SFI1: variants seen among roughly 807,000 people sequenced by gnomAD.
SFI1 encodes protein SFI1 homolog.
In SFI1, 195 loss-of-function variants were observed where a neutral mutation model predicts 207.5. The observed-to-expected ratio is 0.94, with a 90% CI of 0.84 to 1.06. The LOEUF (loss-of-function observed/expected upper bound fraction) is 1.06. Ranked by LOEUF, SFI1 falls within the 50% of genes least tolerant of loss-of-function variation. The pLI, the probability that SFI1 is intolerant of heterozygous loss-of-function variation, is 0.00. For missense variants in SFI1, 1,634 were observed against 1,588.0 expected (o/e 1.03, Z -0.49); for synonymous variants, 630 against 598.9 (o/e 1.05, Z -0.76).
intron 7 of SFI1, among the ~76,000 whole-genome samples, chr22:31,560,400 C>CTTTTT (rs398061887): frequency 2.0e-4 from 25 of 125,514 alleles, no homozygotes; most frequent in South Asian, 7.8e-4. Flanking sequence ...TGGTAATACT[C>CTTTTT]TTTTTTTTTT....
intron 2 of SFI1, among the ~76,000 whole-genome samples, chr22:31,509,028 TTTA>T (rs1377323265): frequency 6.6e-6 from 1 of 152,210 alleles, no homozygotes; most frequent in Non-Finnish European, 1.5e-5. Context: ...TTTTTGTACA[TTTA>T]TTGAGATAAT....
chr22:31,541,042 TTGAGTGAATA>T (rs2059434133), intron 4 of SFI1, among the ~76,000 whole-genome samples: 1 of 152,138 alleles, frequency 6.6e-6, no homozygotes, highest in African/African-American at 2.4e-5. Context: ...GAGTCTTTGC[TTGAGTGAATA>T]TGAGTGAATA....
At chr22:31,617,153 A>G (rs2071710251) in intron 31 of SFI1, 75 bp downstream of exon 31, 1 of 1,525,300 alleles carries the variant, frequency 6.6e-7, no homozygotes, top group African/African-American at 1.4e-5. Flanking sequence ...AGGCAGTTCC[A>G]TTTCCCCCGA....
intron 4 of SFI1, among the ~76,000 whole-genome samples, chr22:31,540,505 C>G (rs1337747436): frequency 6.6e-6 from 1 of 151,742 alleles, no homozygotes; most frequent in African/African-American, 2.4e-5. Context: ...TGGTATTGAA[C>G]TCCTGACCTT....
intron 6 of SFI1, among the ~76,000 whole-genome samples, chr22:31,553,647 A>T (rs543995784): frequency 1.8e-4 from 27 of 148,910 alleles, no homozygotes; most frequent in Non-Finnish European, 3.5e-4. Context: ...TGCTGGGACC[A>T]CAGGGGTGAG....
At chr22:31,580,478 C>A in intron 12 of SFI1, 114 bp downstream of exon 12, 6 of 655,938 alleles carry the variant, frequency 9.1e-6, no homozygotes, top group South Asian at 1.9e-5. Flanking sequence ...TTTTGTGCTT[C>A]AAGATTTGTC....
chr22:31,593,136 C>CA (rs370342048), intron 15 of SFI1, among the ~76,000 whole-genome samples: 1 of 120,608 alleles, frequency 8.3e-6, no homozygotes, highest in East Asian at 3.2e-4. Flanking sequence ...GGGGGGCTGA[C>CA]CCCCCCCCAC....
chr22:31,611,381 A>G, intron 23 of SFI1, 78 bp downstream of exon 23: 2 of 1,475,624 alleles, frequency 1.4e-6, no homozygotes, highest in East Asian at 4.8e-5. Flanking sequence ...ATTTCTCAGG[A>G]AGGGGTCTTT....
In SFI1 at chr22:31,618,243, T is replaced by C; in HGVS notation, c.3624+17T>C. 1 of 1,595,518 alleles carries C rather than the reference T, an allele frequency of 6.3e-7. No homozygotes were observed. The highest frequency in any genetic ancestry group is 8.5e-7 in the Non-Finnish European group (1 of 1,172,422). On this transcript the variant is annotated intron_variant, in intron 32 of 32. Coordinates refer to ENST00000400288, the MANE Select transcript of SFI1 (RefSeq NM_001007467.3). ...CTGGAACAGGTGAGGCCCCAGGCCA[T>C]CCCCAGGTGTCCCTGGGGACGCCCC...
Position 31,616,659 on chromosome 22 carries a change from G to A in SFI1, c.3301-86G>A, listed in dbSNP as rs999885599. On this transcript the variant is annotated intron_variant, in intron 29 of 32. Transcript: ENST00000400288. Reference sequence around the variant, plus strand: ...GCCTGGTCTTCCCCCACCCCTGCAGGGCAGGCAGTGACAAGGACTTGGTGT... The same window carrying A: ...GCCTGGTCTTCCCCCACCCCTGCAGAGCAGGCAGTGACAAGGACTTGGTGT... The A allele has an allele frequency of 5.6e-6, 8 of 1,421,998 alleles. No individual in the cohort carries two copies. In the African/African-American group the frequency reaches 1.1e-4, roughly 20 times the overall value. 88.1% of individuals were successfully genotyped at this position (1,421,998 alleles called of 1,614,324 possible). A position where few individuals can be genotyped will look rare whatever the true frequency, so the allele number is the denominator to read the frequency against.
chr22:31,607,684 A>G (rs2069291018), intron 21 of SFI1: 3 of 245,934 alleles, frequency 1.2e-5, no homozygotes, highest in East Asian at 1.6e-4. Context: ...TCACTACTTT[A>G]TGGCATGGTA....
In SFI1 at chr22:31,545,877, C is replaced by CTT. The variant is rs770151262; in HGVS notation, c.339-961_339-960dup. ...TGCAGGTGTGAGCCACCGTGTCCAGCTTTTTTTTTTTTTTTTTTTTTTTTA... is the reference window on the plus strand; with the variant it reads ...TGCAGGTGTGAGCCACCGTGTCCAGCTTTTTTTTTTTTTTTTTTTTTTTTTTA... On this transcript the variant is annotated intron_variant, in intron 4 of 32. Coordinates refer to ENST00000400288, the MANE Select transcript of SFI1 (RefSeq NM_001007467.3). Among the ~76,000 whole-genome samples, 68 of 99,516 alleles carry CTT rather than the reference C, an allele frequency of 6.8e-4. 1 individual carries two copies. Among genetic ancestry groups the CTT allele is most frequent in the African/African-American group, 2.1e-3 (51 of 24,318 alleles). The allele number at this position is 99,516 out of a possible 152,430, so 65.3% of individuals were successfully genotyped here.
At chr22:31,503,416 T>C (rs2054125761) in intron 1 of SFI1, among the ~76,000 whole-genome samples, 1 of 152,204 alleles carries the variant, frequency 6.6e-6, no homozygotes, top group African/African-American at 2.4e-5. Flanking sequence ...GGCCACTTCA[T>C]TTTCCTTTCT....
chr22:31,593,532 G>A (rs1358754427), intron 15 of SFI1, among the ~76,000 whole-genome samples: 1 of 129,748 alleles, frequency 7.7e-6, no homozygotes, highest in East Asian at 2.3e-4. Context: ...AGGCAGAGGG[G>A]CTCCTCACAT....
intron 2 of SFI1, among the ~76,000 whole-genome samples, chr22:31,527,493 G>C (rs959279545): frequency 6.6e-6 from 1 of 152,178 alleles, no homozygotes; most frequent in Non-Finnish European, 1.5e-5. Flanking sequence ...CCAGCATTTT[G>C]GAAGGCTTAG....
chr22:31,607,563 A>G (rs2069260697), intron 21 of SFI1: 1 of 152,078 alleles, frequency 6.6e-6, no homozygotes, highest in African/African-American at 2.4e-5. Context: ...AGATCATGCC[A>G]CTGCACTCCA....
At position 31,561,389 on chromosome 22, in the gene SFI1, G is replaced by A; in HGVS notation, c.762G>A (p.Val254=). 1.2e-6 allele frequency: 2 copies of A among 1,613,016 alleles called. No homozygotes were observed. Among genetic ancestry groups the A allele is most frequent in the Non-Finnish European group, 1.7e-6 (2 of 1,179,546 alleles). Residue 254 remains valine, a synonymous_variant, in exon 8 of 33, where the codon GTG becomes GTA. Transcript: ENST00000400288. ...ALKHRALSLQ[V]QAWSQWREQL... is the part of the protein sequence containing the mutation. ...AGCACAGGGCCCTGAGCCTCCAGGTGCAGGTGAGTCCAGCAGACGTGGGAT... is the reference window on the plus strand; with the variant it reads ...AGCACAGGGCCCTGAGCCTCCAGGTACAGGTGAGTCCAGCAGACGTGGGAT...
chr22:31,559,874 C>T (rs966282557), intron 7 of SFI1: 30 of 664,234 alleles, frequency 4.5e-5, no homozygotes, highest in East Asian at 9.1e-5. Flanking sequence ...CCTTCGTGTC[C>T]GAGGCCAGCA....
intron 8 of SFI1, among the ~76,000 whole-genome samples, chr22:31,563,146 C>T (rs2061902420): frequency 6.6e-6 from 1 of 151,794 alleles, no homozygotes; most frequent in Non-Finnish European, 1.5e-5. Context: ...ACGCATGCCG[C>T]CACGCCTGGC....
Sources: allele counts gnomAD v4.1 joint callset (sites outside exome capture counted in the v4.1 genomes callset), GRCh38; gene constraint gnomAD v4.1.1; transcripts MANE v1.5; gene names NCBI Gene and HGNC (gene_info 2026-07-23, HGNC 2026-07-21).